Variants in TAF3 observed in about 807,000 individuals in gnomAD.
The protein encoded by TAF3 is TATA-box binding protein associated factor 3.
TAF3 carries 7 observed loss-of-function variants against 80.6 expected under a neutral mutation model. That is an observed-to-expected ratio of 0.09 (90% CI 0.05 to 0.16). The LOEUF (loss-of-function observed/expected upper bound fraction) is 0.16. TAF3 is among the 10% of genes least tolerant of loss of function. The pLI, the probability that TAF3 is intolerant of heterozygous loss-of-function variation, is 1.00. For synonymous variants in TAF3, 444 were observed against 446.1 expected (o/e 1.00, Z 0.06); for missense variants, 921 against 1,140.2 (o/e 0.81, Z 2.77).
chr10:7,856,817 C>A (rs1837084619), intron 2 of TAF3, among the ~76,000 whole-genome samples: 1 of 148,462 alleles, frequency 6.7e-6, no homozygotes, highest in South Asian at 2.1e-4. Context: ...AAAGACGGTC[C>A]CACTCACTGG....
intron 2 of TAF3, among the ~76,000 whole-genome samples, chr10:7,867,968 TAAG>T (rs1486148198): frequency 6.6e-6 from 1 of 152,176 alleles, no homozygotes; most frequent in Non-Finnish European, 1.5e-5. Context: ...AAAATATTAT[TAAG>T]AAAATCATAA....
intron 2 of TAF3, among the ~76,000 whole-genome samples, chr10:7,956,935 A>T (rs1838141780): frequency 6.6e-6 from 1 of 152,108 alleles, no homozygotes; most frequent in Non-Finnish European, 1.5e-5. Context: ...TCATGTCTTT[A>T]ATTTTTTTTT....
At chr10:7,848,792 T>G (rs1274788166) in intron 2 of TAF3, among the ~76,000 whole-genome samples, 1 of 152,200 alleles carries the variant, frequency 6.6e-6, no homozygotes, top group African/African-American at 2.4e-5. Context: ...GGCATAAACT[T>G]TATGCCAATA....
At chr10:7,833,762 A>G (rs2131107032) in intron 2 of TAF3, 1 of 275,376 alleles carries the variant, frequency 3.6e-6, no homozygotes, top group Non-Finnish European at 7.3e-6. Context: ...TCTCCTTCTC[A>G]TAGACATTCT....
intron 2 of TAF3, among the ~76,000 whole-genome samples, chr10:7,884,860 A>C (rs1033903399): frequency 3.3e-5 from 5 of 152,252 alleles, no homozygotes; most frequent in Non-Finnish European, 5.9e-5. Flanking sequence ...TATTAAAAGC[A>C]TGATTTCATA....
intron 2 of TAF3, among the ~76,000 whole-genome samples, chr10:7,886,880 C>T (rs1360714306): frequency 6.6e-6 from 1 of 152,024 alleles, no homozygotes; most frequent in African/African-American, 2.4e-5. Flanking sequence ...TTTTAAATAC[C>T]ATCTCTAAGA....
intron 2 of TAF3, among the ~76,000 whole-genome samples, chr10:7,886,507 C>T (rs1837410423): frequency 6.6e-6 from 1 of 152,142 alleles, no homozygotes; most frequent in Non-Finnish European, 1.5e-5. Context: ...CATTTATAGA[C>T]CTGGCTTAAA....
chr10:7,886,781 T>C (rs976195008), intron 2 of TAF3, among the ~76,000 whole-genome samples: 6 of 152,252 alleles, frequency 3.9e-5, no homozygotes, highest in Non-Finnish European at 7.3e-5. Flanking sequence ...CTTTCGTATT[T>C]CTGTACTTGT....
chr10:7,831,410 A>G (rs571044996), intron 2 of TAF3, among the ~76,000 whole-genome samples: 17 of 152,184 alleles, frequency 1.1e-4, no homozygotes, highest in African/African-American at 3.1e-4. Flanking sequence ...CAGTGGCTCA[A>G]TCTTGGCTCA....
At chr10:7,948,372 A>T (rs906631616) in intron 2 of TAF3, among the ~76,000 whole-genome samples, 4 of 151,956 alleles carry the variant, frequency 2.6e-5, no homozygotes, top group Non-Finnish European at 4.4e-5. Flanking sequence ...TACAGGCATG[A>T]ACCAGTGCGC....
chr10:7,916,369 A>G (rs563843122), intron 2 of TAF3, among the ~76,000 whole-genome samples: 9 of 152,370 alleles, frequency 5.9e-5, no homozygotes, highest in Admixed American at 3.3e-4. Flanking sequence ...ACCCTGCTGT[A>G]ACTCATCAGC....
At chr10:7,861,966 ATGT>A (rs1837152843) in intron 2 of TAF3, among the ~76,000 whole-genome samples, 1 of 152,120 alleles carries the variant, frequency 6.6e-6, no homozygotes. Flanking sequence ...AGAGTCACTG[ATGT>A]TCTGCTCATT....
chr10:7,879,556 T>A (rs926089100), intron 2 of TAF3, among the ~76,000 whole-genome samples: 2 of 152,228 alleles, frequency 1.3e-5, no homozygotes, highest in Non-Finnish European at 2.9e-5. Context: ...ATTATACTAA[T>A]AAGCCCTAAT....
chr10:7,998,334 A>G (rs1831910762), intron 4 of TAF3, among the ~76,000 whole-genome samples: 1 of 149,314 alleles, frequency 6.7e-6, no homozygotes, highest in Non-Finnish European at 1.5e-5. Context: ...GGCATTTTTG[A>G]AGGATTATCT....
chr10:7,954,527 G>A (rs564186390), intron 2 of TAF3, among the ~76,000 whole-genome samples: 4 of 138,456 alleles, frequency 2.9e-5, no homozygotes, highest in South Asian at 2.6e-4. Flanking sequence ...CTCCATAGGC[G>A]AATGAGTGAA....
chr10:7,835,824 T>G (rs1286363427), intron 2 of TAF3, among the ~76,000 whole-genome samples: 1 of 152,210 alleles, frequency 6.6e-6, no homozygotes, highest in Non-Finnish European at 1.5e-5. Flanking sequence ...TCATGGCGCT[T>G]GGTGGCATGT....
chr10:7,857,785 G>GGTTAAT (rs1837095512), intron 2 of TAF3, among the ~76,000 whole-genome samples: 1 of 151,700 alleles, frequency 6.6e-6, no homozygotes, highest in African/African-American at 2.4e-5. Flanking sequence ...TTTTTGTTAA[G>GGTTAAT]AAAGAAAAAG....
chr10:7,935,297 A>AATAG (rs1436528631), intron 2 of TAF3, among the ~76,000 whole-genome samples: 2 of 134,196 alleles, frequency 1.5e-5, no homozygotes, highest in Admixed American at 8.0e-5. Flanking sequence ...TAAATAAATA[A>AATAG]ATAGAAGAAA....
intron 4 of TAF3, among the ~76,000 whole-genome samples, chr10:7,997,688 TG>T (rs1831902605): frequency 1.3e-5 from 2 of 152,276 alleles, no homozygotes; most frequent in East Asian, 3.9e-4. Context: ...ATGGAGCCAT[TG>T]TGGGACCAGC....
Sources: gnomAD v4.1 joint callset for allele counts (sites outside exome capture counted in the v4.1 genomes callset) on GRCh38, gnomAD v4.1.1 for gene constraint, MANE v1.5 for transcripts, NCBI Gene and HGNC (gene_info 2026-07-23, HGNC 2026-07-21) for gene names.